MOXD1: variants seen among roughly 807,000 people sequenced by gnomAD.
MOXD1 encodes the protein monooxygenase DBH like 1.
A neutral mutation model predicts 66.6 loss-of-function variants in MOXD1; 62 were observed. That is an observed-to-expected ratio of 0.93 (90% confidence interval 0.76 to 1.15). The LOEUF (loss-of-function observed/expected upper bound fraction) is 1.15, where lower values mean the gene tolerates loss of function less well. Among genes scored for constraint, MOXD1 ranks in the 50% most tolerant of loss-of-function variants. The pLI, the probability that MOXD1 is intolerant of heterozygous loss-of-function variation, is 0.00. For missense variants in MOXD1, 847 were observed against 754.6 expected, an observed-to-expected ratio of 1.12 and a Z score of -1.44; for synonymous variants, 303 against 281.9, an observed-to-expected ratio of 1.07 and a Z score of -0.75.
Position 132,366,854 on chromosome 6 carries a change from G to C in MOXD1, c.663+5754C>G, listed in dbSNP as rs117520506. ...GCCTACTATAGGAAAATCAATTTTC[G>C]AGTGGCTATTTCATGGCTCTACAGT... On this transcript the variant is annotated intron_variant, in intron 4 of 11. Transcript: ENST00000367963. Among the ~76,000 whole-genome samples, 167 of 152,066 alleles carry C rather than the reference G, an allele frequency of 1.1e-3. 2 individuals carry two copies. The East Asian group carries it at 0.029, about 27-fold the overall frequency.
chr6:132,343,522 C>A (rs1310963466), intron 4 of MOXD1, among the ~76,000 whole-genome samples: 1 of 151,990 alleles, frequency 6.6e-6, no homozygotes, highest in East Asian at 1.9e-4. Flanking sequence ...TTGCAGTGAG[C>A]CGAAATTGCA....
At chr6:132,351,305 G>T (rs1775798015) in intron 4 of MOXD1, among the ~76,000 whole-genome samples, 1 of 152,032 alleles carries the variant, frequency 6.6e-6, no homozygotes, top group African/African-American at 2.4e-5. Flanking sequence ...ATTATATTGA[G>T]GTATGTTCCT....
intron 10 of MOXD1, among the ~76,000 whole-genome samples, chr6:132,300,757 G>A (rs367906766): frequency 1.3e-3 from 203 of 152,310 alleles, no homozygotes; most frequent in Middle Eastern, 0.01. Context: ...GCCCAATGGC[G>A]CGTATGTTGG....
intron 1 of MOXD1, among the ~76,000 whole-genome samples, chr6:132,387,311 G>A (rs1200091385): frequency 6.6e-6 from 1 of 151,404 alleles, no homozygotes; most frequent in Admixed American, 6.6e-5. Flanking sequence ...ATTTTATACT[G>A]TGTACATGCA....
intron 10 of MOXD1, among the ~76,000 whole-genome samples, chr6:132,302,374 C>A (rs1036565350): frequency 6.6e-6 from 1 of 152,042 alleles, no homozygotes. Context: ...AACACATCAA[C>A]AAGTATGTAA....
intron 1 of MOXD1, among the ~76,000 whole-genome samples, chr6:132,393,763 C>G (rs1343987327): frequency 6.6e-6 from 1 of 152,196 alleles, no homozygotes; most frequent in Non-Finnish European, 1.5e-5. Flanking sequence ...CCTCCATATC[C>G]CTGGAGCCCA....
At chr6:132,348,368 T>G (rs541256349) in intron 4 of MOXD1, among the ~76,000 whole-genome samples, 1 of 152,352 alleles carries the variant, frequency 6.6e-6, no homozygotes, top group South Asian at 2.1e-4. Flanking sequence ...TACATTTCAG[T>G]GCACTTCAGT....
chr6:132,368,510 C>CTAT (rs1776190522), intron 4 of MOXD1, among the ~76,000 whole-genome samples: 2 of 152,014 alleles, frequency 1.3e-5, no homozygotes, highest in Non-Finnish European at 2.9e-5. Flanking sequence ...AAATACAAAT[C>CTAT]AATAAATTGA....
intron 4 of MOXD1, among the ~76,000 whole-genome samples, chr6:132,362,898 A>G (rs1042898371): frequency 3.3e-5 from 5 of 152,272 alleles, no homozygotes; most frequent in African/African-American, 1.2e-4. Flanking sequence ...TAATCATCTT[A>G]CTCTAATCTT....
At position 132,320,691 on chromosome 6, in the gene MOXD1, G is replaced by A; in HGVS notation, c.1306-3C>T. The A allele has an allele frequency of 6.2e-7, 1 of 1,609,846 alleles. No homozygotes were observed. Among genetic ancestry groups the A allele is most frequent in the Non-Finnish European group, 8.5e-7 (1 of 1,178,050 alleles). The stretch of plus-strand genomic sequence containing the variant: ...CACTCAGTAATTAGGTTATCTCCCT[G>A]AAACATAAAAGCAAAAGCTTTCAGA... On this transcript the variant is annotated splice_region_variant and splice_polypyrimidine_tract_variant and intron_variant, in intron 8 of 11. Coordinates refer to ENST00000367963, the MANE Select transcript of MOXD1 (RefSeq NM_015529.4).
At chr6:132,364,005 A>G (rs186649595) in intron 4 of MOXD1, among the ~76,000 whole-genome samples, 1 of 152,252 alleles carries the variant, frequency 6.6e-6, no homozygotes, top group East Asian at 1.9e-4. Flanking sequence ...TACCTGAAAA[A>G]GATATACAAG....
chr6:132,320,105 T>A (rs668365), intron 9 of MOXD1, among the ~76,000 whole-genome samples: 78,241 of 151,998 alleles, frequency 0.51, 23,829 homozygotes, highest in African/African-American at 0.85. Flanking sequence ...AAGATTATGT[T>A]AACTACATTT....
At chr6:132,335,986 T>A (rs1775427253) in intron 4 of MOXD1, among the ~76,000 whole-genome samples, 1 of 152,166 alleles carries the variant, frequency 6.6e-6, no homozygotes, top group Admixed American at 6.5e-5. Flanking sequence ...CTGATTATAC[T>A]CAGCAATATG....
intron 11 of MOXD1, 115 bp from the exon 12 acceptor site, chr6:132,297,432 C>T (rs2114516917): frequency 9.3e-7 from 1 of 1,079,306 alleles, no homozygotes; most frequent in South Asian, 1.6e-5. Flanking sequence ...GAGTGGTTAC[C>T]AAAGGAGTCA....
chr6:132,327,530 A>C (rs1330674338), intron 6 of MOXD1, among the ~76,000 whole-genome samples: 2 of 152,220 alleles, frequency 1.3e-5, no homozygotes, highest in Non-Finnish European at 2.9e-5. Flanking sequence ...ACATCCTTAC[A>C]TTTCTTTACT....
At chr6:132,379,947 T>C (rs1304124808) in intron 1 of MOXD1, among the ~76,000 whole-genome samples, 1 of 152,162 alleles carries the variant, frequency 6.6e-6, no homozygotes, top group Non-Finnish European at 1.5e-5. Context: ...AGATGAGTTT[T>C]CACCACGTTG....
intron 4 of MOXD1, among the ~76,000 whole-genome samples, chr6:132,351,165 T>A (rs1212159508): frequency 6.6e-6 from 1 of 152,286 alleles, no homozygotes; most frequent in East Asian, 1.9e-4. Context: ...TGGCTAGGAC[T>A]TCCAGTACTA....
rs1440232027 is a variant in MOXD1 at position 132,307,399 on chromosome 6, G to C, written c.1508+8236C>G. 2.0e-5 allele frequency among the ~76,000 whole-genome samples: 3 copies of C among 152,302 alleles called. No homozygotes were observed. The East Asian group carries it at 5.8e-4, about 29-fold the overall frequency. ...TCTTAGAGACCTACAAAGAGACTTA[G>C]ACTCCCACACAATAATAGTGGGAGA... On this transcript the variant is annotated intron_variant, in intron 10 of 11. Transcript: ENST00000367963.
At chr6:132,321,366 T>C (rs1427973573) in intron 8 of MOXD1, among the ~76,000 whole-genome samples, 1 of 152,066 alleles carries the variant, frequency 6.6e-6, no homozygotes, top group Admixed American at 6.5e-5. Flanking sequence ...ACCTCAGACA[T>C]AGATAGTAGT....
Sources: allele counts gnomAD v4.1 joint callset (sites outside exome capture counted in the v4.1 genomes callset), GRCh38; gene constraint gnomAD v4.1.1; transcripts MANE v1.5; gene names NCBI Gene and HGNC (gene_info 2026-07-23, HGNC 2026-07-21).